LARGE1: variants seen among roughly 807,000 people sequenced by gnomAD.
The protein encoded by LARGE1 is LARGE xylosyl- and glucuronyltransferase 1.
A neutral mutation model predicts 87.6 loss-of-function variants in LARGE1; 43 were observed. That is an observed-to-expected ratio of 0.49 (90% CI 0.38 to 0.63). The LOEUF is 0.63. Among genes scored for constraint, LARGE1 ranks in the 30% least tolerant of loss-of-function variants. The pLI is 0.00. For synonymous variants in LARGE1, 434 were observed against 394.6 expected (o/e 1.10, Z -1.18); for missense variants, 802 against 1,000.2 (o/e 0.80, Z 2.67).
rs1376994263 is a variant in LARGE1, at chr22:33,337,741, G to A, written c.1192C>T (p.Arg398Cys). 11 of 1,614,126 alleles carry A rather than the reference G, an allele frequency of 6.8e-6. No homozygotes were observed. The highest frequency in any genetic ancestry group is 1.6e-4 in the Middle Eastern group (1 of 6,062). Residue 398 changes from arginine (R) to cysteine (C), a missense_variant, in exon 10 of 15, where the codon CGC (arginine) becomes TGC (cysteine). Transcript: ENST00000397394. ...RVKNKHVEFF[R>C]NLYLTFLEYD... ...TCCAGGAAGGTCAGGTAGAGGTTGCGAAAAAACTCCACATGCTTGTTCTTC... is the reference window on the plus strand; with the variant it reads ...TCCAGGAAGGTCAGGTAGAGGTTGCAAAAAAACTCCACATGCTTGTTCTTC...
chr22:33,565,443 T>A (rs1427494603), intron 5 of LARGE1, among the ~76,000 whole-genome samples: 1 of 152,258 alleles, frequency 6.6e-6, no homozygotes, highest in Non-Finnish European at 1.5e-5. Context: ...TTAAATCATA[T>A]TCCATTTACG....
chr22:33,511,523 T>C (rs1274740230), intron 6 of LARGE1, among the ~76,000 whole-genome samples: 1 of 152,152 alleles, frequency 6.6e-6, no homozygotes, highest in Admixed American at 6.5e-5. Flanking sequence ...GTACAACCAG[T>C]GGGACTGATC....
intron 2 of LARGE1, among the ~76,000 whole-genome samples, chr22:33,719,920 A>G (rs1014920332): frequency 6.6e-6 from 1 of 152,120 alleles, no homozygotes; most frequent in East Asian, 1.9e-4. Context: ...GTCACATGCT[A>G]TACAGGTTTG....
At chr22:33,745,085 C>A (rs1050821030) in intron 2 of LARGE1, among the ~76,000 whole-genome samples, 1 of 152,130 alleles carries the variant, frequency 6.6e-6, no homozygotes, top group East Asian at 1.9e-4. Context: ...CTGAAGGAGC[C>A]GAGGGATTTC....
At chr22:33,449,204 T>C (rs897207085) in intron 6 of LARGE1, among the ~76,000 whole-genome samples, 4 of 152,212 alleles carry the variant, frequency 2.6e-5, no homozygotes, top group Non-Finnish European at 4.4e-5. Flanking sequence ...AGATCCAAGC[T>C]ATAGATTTGC....
At chr22:33,767,748 A>C (rs1021866672) in intron 1 of LARGE1, among the ~76,000 whole-genome samples, 2 of 152,182 alleles carry the variant, frequency 1.3e-5, no homozygotes, top group African/African-American at 4.8e-5. Context: ...TAAAAATCTA[A>C]GAAAAAAATA....
intron 3 of LARGE1, among the ~76,000 whole-genome samples, chr22:33,627,588 T>C (rs1344083147): frequency 6.6e-6 from 1 of 152,172 alleles, no homozygotes; most frequent in Non-Finnish European, 1.5e-5. Flanking sequence ...CAACCAGCCA[T>C]GTCAAAATGC....
intron 6 of LARGE1, chr22:33,436,485 T>C (rs925800685): frequency 1.9e-5 from 3 of 153,886 alleles, no homozygotes; most frequent in African/African-American, 4.8e-5. Context: ...CTGGGCTTCA[T>C]TCAACCTAGA....
At chr22:33,332,357 C>G (rs1226111454) in intron 10 of LARGE1, among the ~76,000 whole-genome samples, 2 of 152,166 alleles carry the variant, frequency 1.3e-5, no homozygotes, top group African/African-American at 4.8e-5. Flanking sequence ...TAAGACGTCC[C>G]TTGCTCTTCC....
intron 7 of LARGE1, among the ~76,000 whole-genome samples, chr22:33,424,018 T>C (rs1360535956): frequency 6.6e-6 from 1 of 152,190 alleles, no homozygotes; most frequent in Admixed American, 6.5e-5. Context: ...CAAGTTCAAT[T>C]TGAGCTAGAA....
At chr22:33,636,830 C>A (rs1267481485) in intron 3 of LARGE1, among the ~76,000 whole-genome samples, 1 of 152,140 alleles carries the variant, frequency 6.6e-6, no homozygotes, top group African/African-American at 2.4e-5. Context: ...CCATGCCCAG[C>A]CCCATGTCAA....
At chr22:33,080,721 A>G in the LARGE1 span, among the ~76,000 whole-genome samples, 1 of 152,220 alleles carries the variant, frequency 6.6e-6, no homozygotes, top group Non-Finnish European at 1.5e-5. Context: ...TAACTTGCCC[A>G]AAGTTACATA....
chr22:33,922,792 TTCTTCCTC>T (rs534066601), upstream of LARGE1: 318 of 152,382 alleles, frequency 2.1e-3, 1 homozygote, highest in African/African-American at 7.3e-3. Flanking sequence ...GGCTGCTCAG[TTCTTCCTC>T]TGACGTGCAG....
At chr22:33,562,350 G>A (rs1194068844) in intron 6 of LARGE1, among the ~76,000 whole-genome samples, 5 of 152,172 alleles carry the variant, frequency 3.3e-5, no homozygotes, top group Non-Finnish European at 5.9e-5. Flanking sequence ...AGATAAAAAC[G>A]CAATGCACTC....
intron 11 of LARGE1, among the ~76,000 whole-genome samples, chr22:33,206,673 C>T (rs1161189313): frequency 6.6e-6 from 1 of 152,188 alleles, no homozygotes; most frequent in African/African-American, 2.4e-5. Context: ...TCTGCTCCTC[C>T]ATAGGACAGT....
intron 10 of LARGE1, among the ~76,000 whole-genome samples, chr22:33,316,819 C>A (rs934305654): frequency 2.6e-5 from 4 of 152,148 alleles, no homozygotes; most frequent in African/African-American, 4.8e-5. Flanking sequence ...TAGCTAAGAA[C>A]AAAGGTGGTG....
At chr22:33,744,020 T>C (rs1022652066) in intron 2 of LARGE1, 17 of 152,368 alleles carry the variant, frequency 1.1e-4, no homozygotes, top group African/African-American at 3.8e-4. Flanking sequence ...CCGCTGGCTG[T>C]GAATCCAGTC....
chr22:33,287,762 C>T (rs746728640), intron 12 of LARGE1, among the ~76,000 whole-genome samples: 2 of 152,198 alleles, frequency 1.3e-5, no homozygotes, highest in Non-Finnish European at 2.9e-5. Context: ...GAAAGCTGGG[C>T]GAACAGCCAG....
chr22:33,645,782 G>A (rs964680803), intron 3 of LARGE1, among the ~76,000 whole-genome samples: 3 of 152,048 alleles, frequency 2.0e-5, no homozygotes, highest in Admixed American at 1.3e-4. Flanking sequence ...AGTGGCGAAG[G>A]TATGAAGAGA....
Sources: gnomAD v4.1 joint callset for allele counts (sites outside exome capture counted in the v4.1 genomes callset) on GRCh38, gnomAD v4.1.1 for gene constraint, MANE v1.5 for transcripts, NCBI Gene and HGNC (gene_info 2026-07-23, HGNC 2026-07-21) for gene names.